Variants in SRCAP observed in about 807,000 individuals in gnomAD.
The protein encoded by SRCAP is Snf2 related CREBBP activator protein.
SRCAP carries 46 observed loss-of-function variants against 263.1 expected under a neutral mutation model. The ratio of observed to expected loss-of-function variants is 0.17; its 90% CI spans 0.14 to 0.22. The LOEUF is 0.22. Ranked by LOEUF, SRCAP falls within the 10% of genes least tolerant of loss-of-function variation. SRCAP has a pLI of 1.00. For synonymous variants in SRCAP, 1,813 were observed against 1,662.1 expected, an observed-to-expected ratio of 1.09 and a Z score of -2.21; for missense variants, 3,695 against 4,181.9, an observed-to-expected ratio of 0.88 and a Z score of 3.21.
rs758530336 is a variant in SRCAP, at chr16:30,709,669, C to T, written c.790C>T (p.Pro264Ser). Residue 264 changes from proline (P) to serine (S), a missense_variant, in exon 7 of 34, where the codon CCT becomes TCT. Around this residue, in one of 12 missense-constraint regions of SRCAP, gnomAD observed 44 missense variants for 42.9 expected, o/e 1.03. Transcript: ENST00000262518. ...AACCTCCAGCAAAGCAGGCTCTTCC[C>T]CTTGCCTCGGCTCTTCCTCAGCTGC... ...PLTSSKAGSSPCLGSSSAASS... is the reference protein window; with the variant it reads ...PLTSSKAGSSSCLGSSSAASS... 6.2e-7 allele frequency: 1 copy of T among 1,614,176 alleles called. No homozygotes were observed. The highest frequency in any genetic ancestry group is 8.5e-7 in the Non-Finnish European group (1 of 1,180,034).
intron 19 of SRCAP, 27 bp downstream of exon 19, chr16:30,720,358 G>A (rs1567246059): frequency 1.3e-6 from 2 of 1,595,218 alleles, no homozygotes; most frequent in Non-Finnish European, 1.7e-6. Context: ...ATGAGGGGAT[G>A]GTTCCTAGAA....
chr16:30,716,582 C>G, intron 18 of SRCAP, 103 bp downstream of exon 18: 2 of 998,582 alleles, frequency 2.0e-6, no homozygotes, highest in Non-Finnish European at 3.0e-6. Context: ...ATCCTCATGA[C>G]TCCCCTATCA....
rs2053198784 is a variant in SRCAP, at chr16:30,739,344, G to C, written c.9304G>C (p.Gly3102Arg). 6.2e-7 allele frequency: 1 copy of C among 1,614,082 alleles called. No individual in the cohort carries two copies. The highest frequency in any genetic ancestry group is 1.3e-5 in the African/African-American group (1 of 74,942). The change falls in exon 34 of 34, where the codon GGC becomes CGC. Residue 3102 changes from glycine (G) to arginine (R), a missense_variant. Around this residue, in one of 12 missense-constraint regions of SRCAP, gnomAD observed 1,207 missense variants for 1,142.9 expected, o/e 1.06. Coordinates refer to ENST00000262518, the MANE Select transcript of SRCAP (RefSeq NM_006662.3). ...DDLDLADSGP[G>R]GLELTPPVVS... Reference sequence around the variant, plus strand: ...CCTGGACTTAGCAGATAGCGGGCCAGGCGGGTTGGAATTGACACCACCTGT... The same window carrying C: ...CCTGGACTTAGCAGATAGCGGGCCACGCGGGTTGGAATTGACACCACCTGT...
chr16:30,733,058 A>G lies in SRCAP; in HGVS notation c.6128-222A>G, dbSNP rs564800512. 6.6e-6 allele frequency among the ~76,000 whole-genome samples: 1 copy of G among 151,262 alleles called. No homozygotes were observed. The highest frequency in any genetic ancestry group is 1.5e-5 in the Non-Finnish European group (1 of 67,822). On this transcript the variant is annotated intron_variant, in intron 27 of 33. Transcript: ENST00000262518. This position sits in a 1 kb window ranked among gnomAD's most constrained non-coding sequence, Gnocchi z 5.3. The stretch of plus-strand genomic sequence containing the variant: ...ATCATGTTGGCCAGGCTGGTCTTGA[A>G]CTCCCGACTTAAAGTGATCCACCTG...
intron 6 of SRCAP, among the ~76,000 whole-genome samples, chr16:30,708,516 C>T (rs1031940284): frequency 6.6e-6 from 1 of 151,974 alleles, no homozygotes. Context: ...GCCTCAGGCT[C>T]TGGAGTAGCT....
chr16:30,723,159 C>T lies in SRCAP; in HGVS notation c.4089C>T (p.Ala1363=). 6.2e-7 allele frequency: 1 copy of T among 1,614,170 alleles called. No homozygotes were observed. Among genetic ancestry groups the T allele is most frequent in the Non-Finnish European group, 8.5e-7 (1 of 1,180,038 alleles). ...CACCTACTCTGGGTACTGCTCGAGC[C>T]CCCATGCCCACACCCACTCTGGTGA... The part of the protein sequence containing the change: ...LPTPTLGTAR[A]PMPTPTLVRP... The change falls in exon 24 of 34, where the codon GCC becomes GCT. Residue 1363 remains alanine (A), a synonymous_variant. Transcript: ENST00000262518.
intron 23 of SRCAP, 87 bp downstream of exon 23, chr16:30,722,835 C>CA: frequency 6.5e-7 from 1 of 1,548,210 alleles, no homozygotes; most frequent in African/African-American, 1.4e-5. Flanking sequence ...AGCCTTCCCT[C>CA]AGTGTTGTTT....
rs765520624 is a variant in SRCAP at position 30,736,422 on chromosome 16, C to T, written c.6924+28C>T. 1.9e-6 allele frequency: 3 copies of T among 1,604,008 alleles called. No homozygotes were observed. In the Admixed American group the frequency reaches 5.1e-5, roughly 27 times the overall value. On this transcript the variant is annotated intron_variant, in intron 32 of 33. Coordinates refer to ENST00000262518, the MANE Select transcript of SRCAP (RefSeq NM_006662.3). Reference sequence around the variant, plus strand: ...CAGTGCTGGACCCACTAGTTCTTGACTTTACTGCTTCCCCTGGGCTTGTGA... The same window carrying T: ...CAGTGCTGGACCCACTAGTTCTTGATTTTACTGCTTCCCCTGGGCTTGTGA...
Position 30,739,529 on chromosome 16 carries a change from G to A in SRCAP, c.9489G>A (p.Leu3163=). The part of the protein sequence containing the change: ...KRGRLQPPSP[L]GPEGSVEESE... ...GCCGCCTACAGCCCCCAAGTCCCCT[G>A]GGGCCTGAGGGTTCAGTAGAGGAGT... is the stretch of plus-strand genomic sequence containing the variant. The change falls in exon 34 of 34, where the codon CTG becomes CTA. Residue 3163 remains leucine, a synonymous_variant. Transcript: ENST00000262518. The A allele has an allele frequency of 1.2e-6, 2 of 1,611,660 alleles. No individual in the cohort carries two copies. The highest frequency in any genetic ancestry group is 1.7e-6 in the Non-Finnish European group (2 of 1,178,932).
rs765218822 is a variant in SRCAP at position 30,739,400 on chromosome 16, C to G, written c.9360C>G (p.Thr3120=). ...VVSLTPKLRS[T]RLRPGSLVPP... Reference sequence around the variant, plus strand: ...CACTAACCCCAAAACTGCGCTCGACCCGGCTGCGTCCAGGGTCTCTAGTCC... The same window carrying G: ...CACTAACCCCAAAACTGCGCTCGACGCGGCTGCGTCCAGGGTCTCTAGTCC... Residue 3120 remains threonine (T), a synonymous_variant, in exon 34 of 34, where the codon ACC becomes ACG. Transcript: ENST00000262518. The G allele has an allele frequency of 1.9e-6, 3 of 1,614,232 alleles. No individual in the cohort carries two copies. Among genetic ancestry groups the G allele is most frequent in the African/African-American group, 1.3e-5 (1 of 75,072 alleles).
At position 30,724,442 on chromosome 16, in the gene SRCAP, C is replaced by G. The variant is rs779824702; in HGVS notation, c.5018C>G (p.Pro1673Arg). Reference sequence around the variant, plus strand: ...CCAGCCCCGGTTCCGTCACCTCTCCCGAGCCCGGCTTCTACGCAGACACTG... The same window carrying G: ...CCAGCCCCGGTTCCGTCACCTCTCCGGAGCCCGGCTTCTACGCAGACACTG... ...MLPAPVPSPLPSPASTQTLAL... is the reference protein window; with the variant it reads ...MLPAPVPSPLRSPASTQTLAL... Residue 1673 changes from proline to arginine, a missense_variant, in exon 25 of 34, where the codon CCG becomes CGG. By Grantham distance (103) the Pro-to-Arg change is moderately radical. Coordinates refer to ENST00000262518, the MANE Select transcript of SRCAP (RefSeq NM_006662.3). 3 of 1,614,218 alleles carry G rather than the reference C, an allele frequency of 1.9e-6. No individual in the cohort carries two copies. The highest frequency in any genetic ancestry group is 4.5e-5 in the East Asian group (2 of 44,888).
At chr16:30,728,801 C>T (rs1477671739) in intron 25 of SRCAP, among the ~76,000 whole-genome samples, 165 bp from the exon 26 acceptor site, 1 of 152,052 alleles carries the variant, frequency 6.6e-6, no homozygotes, top group Non-Finnish European at 1.5e-5. Flanking sequence ...AACATAACTT[C>T]TGAGAAAGAA....
At chr16:30,719,083 A>G (rs561089856) in intron 18 of SRCAP, among the ~76,000 whole-genome samples, 1 of 151,836 alleles carries the variant, frequency 6.6e-6, no homozygotes, top group Non-Finnish European at 1.5e-5. Context: ...TTTAGTAGAG[A>G]TGGGGTTTCA....
rs1311592643 is a variant in SRCAP at position 30,733,633 on chromosome 16, G to A, written c.6329G>A (p.Arg2110His). ...ALMERFNADK[R>H]IFCFILSTRS... ...ATGGAACGGTTCAATGCAGACAAAC[G>A]CATATTCTGCTTCATCCTTTCAACT... The change falls in exon 29 of 34, where the codon CGC (arginine) becomes CAC (histidine). Residue 2110 changes from arginine to histidine, a missense_variant. Physicochemically the swap from Arg to His is conservative, Grantham distance 29. This residue lies in a region of SRCAP where 138 missense variants were observed against 254.9 expected (regional missense o/e 0.54). Coordinates refer to ENST00000262518, the MANE Select transcript of SRCAP (RefSeq NM_006662.3). This position sits in a 1 kb window ranked among gnomAD's most constrained non-coding sequence, Gnocchi z 5.3. The A allele has an allele frequency of 1.9e-6, 3 of 1,613,934 alleles. No individual in the cohort carries two copies. The highest frequency in any genetic ancestry group is 2.5e-6 in the Non-Finnish European group (3 of 1,179,986).
At chr16:30,703,619 G>A (rs932977333) in intron 3 of SRCAP, among the ~76,000 whole-genome samples, 2 of 151,856 alleles carry the variant, frequency 1.3e-5, no homozygotes, top group Admixed American at 6.6e-5. Context: ...TCCCAAGGCC[G>A]GGCGTGGTGG....
chr16:30,717,575 T>TAGCTGGG (rs1419009814), intron 18 of SRCAP, among the ~76,000 whole-genome samples: 4 of 150,416 alleles, frequency 2.7e-5, no homozygotes, highest in Non-Finnish European at 5.9e-5. Context: ...GCCTTCCAAC[T>TAGCTGGG]AGCTGGGACC....
intron 23 of SRCAP, 49 bp from the exon 24 acceptor site, chr16:30,722,914 G>A (rs562394134): frequency 9.6e-6 from 15 of 1,567,222 alleles, no homozygotes; most frequent in Admixed American, 1.8e-5. Context: ...CATTCTTTGG[G>A]TCTTTTGTTT....
At position 30,738,956 on chromosome 16, in the gene SRCAP, A is replaced by C. The variant is rs760608904; in HGVS notation, c.8916A>C (p.Pro2972=). 4 of 1,613,502 alleles carry C rather than the reference A, an allele frequency of 2.5e-6. No individual in the cohort carries two copies. The African/African-American group carries it at 5.3e-5, about 22-fold the overall frequency. The change falls in exon 34 of 34, where the codon CCA becomes CCC. Residue 2972 remains proline (P), a synonymous_variant. Coordinates refer to ENST00000262518, the MANE Select transcript of SRCAP (RefSeq NM_006662.3). ...GTCGGACACAGCCACCCCCACACCC[A>C]TCACCCCTAACCCCACTCCCACCAC... The part of the protein sequence containing the change: ...SESRTQPPPH[P]SPLTPLPPLL...
At chr16:30,705,118 T>C (rs906846035) in intron 4 of SRCAP, among the ~76,000 whole-genome samples, 3 of 152,090 alleles carry the variant, frequency 2.0e-5, no homozygotes, top group Admixed American at 2.0e-4. Context: ...CTGGCCAACG[T>C]GGCAAAATCC....
Sources: allele counts gnomAD v4.1 joint callset (sites outside exome capture counted in the v4.1 genomes callset), GRCh38; gene constraint gnomAD v4.1.1; regional missense constraint gnomAD v4.1.1; non-coding constraint Gnocchi (gnomAD v3.1); transcripts MANE v1.5; gene names NCBI Gene and HGNC (gene_info 2026-07-23, HGNC 2026-07-21).